OSBPL8: variants seen among roughly 807,000 people sequenced by gnomAD.
OSBPL8 encodes oxysterol-binding protein-related protein 8.
Under a neutral mutation model 125.5 loss-of-function variants are expected in OSBPL8, and 59 were observed. The ratio of observed to expected loss-of-function variants is 0.47; its 90% CI spans 0.38 to 0.58. The LOEUF (loss-of-function observed/expected upper bound fraction) is 0.58. Ranked by LOEUF, OSBPL8 falls within the 20% of genes least tolerant of loss-of-function variation. The probability of loss-of-function intolerance (pLI) is 0.00; values close to 1 mark genes in which losing one functional copy is unlikely to be tolerated. For missense variants in OSBPL8, 758 were observed against 1,047.8 expected, an observed-to-expected ratio of 0.72 and a Z score of 3.82; for synonymous variants, 330 against 338.9, an observed-to-expected ratio of 0.97 and a Z score of 0.29.
At chr12:76,365,824 CAAATGCCTT>C (rs1257157459) in intron 21 of OSBPL8, among the ~76,000 whole-genome samples, 3 of 152,074 alleles carry the variant, frequency 2.0e-5, no homozygotes, top group African/African-American at 7.2e-5. Context: ...TGGATTTTGT[CAAATGCCTT>C]TTCTATGCCA....
At chr12:76,492,014 C>G (rs1878769032) in intron 1 of OSBPL8, among the ~76,000 whole-genome samples, 1 of 151,986 alleles carries the variant, frequency 6.6e-6, no homozygotes, top group South Asian at 2.1e-4. Context: ...CAAACAAACC[C>G]TGCCCTCATG....
At chr12:76,469,463 A>G (rs904033183) in intron 2 of OSBPL8, among the ~76,000 whole-genome samples, 9 of 152,106 alleles carry the variant, frequency 5.9e-5, no homozygotes, top group African/African-American at 2.2e-4. Flanking sequence ...AGCAACACTG[A>G]CTCTGTACCT....
At chr12:76,456,609 A>C (rs1266309890) in intron 3 of OSBPL8, among the ~76,000 whole-genome samples, 1 of 152,172 alleles carries the variant, frequency 6.6e-6, no homozygotes, top group African/African-American at 2.4e-5. Flanking sequence ...GTGTCAAAAA[A>C]AAAAAGTGCA....
intron 7 of OSBPL8, among the ~76,000 whole-genome samples, chr12:76,399,539 G>T (rs1168439003): frequency 1.1e-4 from 16 of 152,030 alleles, no homozygotes; most frequent in Admixed American, 1.0e-3. Context: ...AATATACCAA[G>T]TATATGGAAT....
At chr12:76,444,628 C>T (rs557696331) in intron 4 of OSBPL8, among the ~76,000 whole-genome samples, 2 of 152,304 alleles carry the variant, frequency 1.3e-5, no homozygotes, top group East Asian at 1.9e-4. Flanking sequence ...ATACTAAGAA[C>T]CTTGACTACC....
chr12:76,371,155 A>C (rs999840165), intron 19 of OSBPL8: 1 of 193,892 alleles, frequency 5.2e-6, no homozygotes, highest in African/African-American at 2.3e-5. Context: ...AAGAGTCATT[A>C]ATTAGTCCTG....
In OSBPL8 at chr12:76,511,589, AATTT is replaced by A. The variant is rs767766310; in HGVS notation, c.-67-23975_-67-23972del. The stretch of plus-strand genomic sequence containing the variant: ...TTAATAGGGTTGTTTTTCTCTTGTA[AATTT>A]ATTTAAGTTCCTTATAGATGCTGGA... On this transcript the variant is annotated intron_variant, in intron 1 of 23. Coordinates refer to ENST00000261183, the MANE Select transcript of OSBPL8 (RefSeq NM_020841.5). Among the ~76,000 whole-genome samples, 29 of 151,982 alleles carry A rather than the reference AATTT, an allele frequency of 1.9e-4. 1 individual carries two copies. Among genetic ancestry groups the A allele is most frequent in the Non-Finnish European group, 5.9e-5 (4 of 68,006 alleles).
At chr12:76,502,325 G>A (rs1271836382) in intron 1 of OSBPL8, among the ~76,000 whole-genome samples, 1 of 152,126 alleles carries the variant, frequency 6.6e-6, no homozygotes, top group Non-Finnish European at 1.5e-5. Context: ...TTGCCAGTCT[G>A]GAGGTCTTAA....
rs568523105 is a variant in OSBPL8, at chr12:76,358,507, C to T, written c.2434+199G>A. On this transcript the variant is annotated intron_variant, in intron 22 of 23. Coordinates refer to ENST00000261183, the MANE Select transcript of OSBPL8 (RefSeq NM_020841.5). ...TAGAGTGTGGTTTTTATTTAGATGTCTCCCCTTTTTCATTTTCTGTTTCTT... is the reference window on the plus strand; with the variant it reads ...TAGAGTGTGGTTTTTATTTAGATGTTTCCCCTTTTTCATTTTCTGTTTCTT... 2.6e-5 allele frequency among the ~76,000 whole-genome samples: 4 copies of T among 152,086 alleles called. No individual in the cohort carries two copies. In the South Asian group the frequency reaches 8.3e-4, roughly 32 times the overall value.
intron 20 of OSBPL8, 106 bp downstream of exon 20, chr12:76,369,531 C>T (rs1952541898): frequency 7.4e-7 from 1 of 1,357,732 alleles, no homozygotes; most frequent in Admixed American, 2.4e-5. Context: ...CACTAATATA[C>T]ATGGTTTAAT....
chr12:76,369,949 T>TA (rs1359455662), intron 19 of OSBPL8, 127 bp from the exon 20 acceptor site: 9 of 874,696 alleles, frequency 1.0e-5, no homozygotes, highest in South Asian at 4.0e-5. Flanking sequence ...TGACAACACT[T>TA]ATGCTCATAG....
At chr12:76,361,748 CCAG>C (rs1208621627) in intron 21 of OSBPL8, among the ~76,000 whole-genome samples, 1 of 152,142 alleles carries the variant, frequency 6.6e-6, no homozygotes, top group Non-Finnish European at 1.5e-5. Context: ...CCTGATAAAA[CCAG>C]CAGATCTCAT....
chr12:76,370,482 A>G (rs998409694), intron 19 of OSBPL8, among the ~76,000 whole-genome samples: 3 of 152,166 alleles, frequency 2.0e-5, no homozygotes, highest in African/African-American at 7.2e-5. Flanking sequence ...AAAACCAGAA[A>G]AGGCTTTGGG....
chr12:76,391,220 T>C (rs1953542873), intron 10 of OSBPL8, among the ~76,000 whole-genome samples: 1 of 152,210 alleles, frequency 6.6e-6, no homozygotes, highest in South Asian at 2.1e-4. Flanking sequence ...GGTTTAATCC[T>C]GAGCCAAAAT....
chr12:76,555,312 A>C (rs1434461871), intron 1 of OSBPL8, among the ~76,000 whole-genome samples: 1 of 152,172 alleles, frequency 6.6e-6, no homozygotes, highest in East Asian at 1.9e-4. Context: ...TGAGCTTCAA[A>C]AATTTGAGGC....
At chr12:76,557,067 C>T (rs539868391) in intron 1 of OSBPL8, among the ~76,000 whole-genome samples, 14 of 152,234 alleles carry the variant, frequency 9.2e-5, no homozygotes, top group African/African-American at 3.4e-4. Context: ...CCTGATGCTC[C>T]AAGAACATTG....
At chr12:76,516,572 A>G (rs1255953220) in intron 1 of OSBPL8, among the ~76,000 whole-genome samples, 1 of 152,222 alleles carries the variant, frequency 6.6e-6, no homozygotes, top group African/African-American at 2.4e-5. Flanking sequence ...AAACCCCAAA[A>G]AAGTAAAAGA....
At chr12:76,455,241 T>TA (rs554598965) in intron 3 of OSBPL8, among the ~76,000 whole-genome samples, 3,089 of 137,864 alleles carry the variant, frequency 0.022, 86 homozygotes, top group African/African-American at 0.072. Context: ...AGACTCTATC[T>TA]AAAAAAAAAA....
In OSBPL8 at chr12:76,559,432, G is replaced by A. The variant is rs548081145; in HGVS notation, c.-103C>T. The A allele has an allele frequency of 6.6e-6, 1 of 152,510 alleles. No individual in the cohort carries two copies. The highest frequency in any genetic ancestry group is 2.1e-4 in the South Asian group (1 of 4,830). 9.4% of individuals were successfully genotyped at this position (152,510 alleles called of 1,614,324 possible). A position where few individuals can be genotyped will look rare whatever the true frequency, so the allele number is the denominator to read the frequency against. On this transcript the variant is annotated 5_prime_UTR_variant, in exon 1 of 24. Coordinates refer to ENST00000261183, the MANE Select transcript of OSBPL8 (RefSeq NM_020841.5). Reference sequence around the variant, plus strand: ...CTCCCAGGGAGGCGGGACGCAAGGAGCCGGTTCCTCCGAGGTCGCCGCGGC... The same window carrying A: ...CTCCCAGGGAGGCGGGACGCAAGGAACCGGTTCCTCCGAGGTCGCCGCGGC...
Sources: gnomAD v4.1 joint callset for allele counts (sites outside exome capture counted in the v4.1 genomes callset) on GRCh38, gnomAD v4.1.1 for gene constraint, MANE v1.5 for transcripts, NCBI Gene and HGNC (gene_info 2026-07-23, HGNC 2026-07-21) for gene names.